TANGO6: variants seen among roughly 807,000 people sequenced by gnomAD.
The protein encoded by TANGO6 is transport and Golgi organization protein 6 homolog.
Under a neutral mutation model 114.2 loss-of-function variants are expected in TANGO6, and 90 were observed. That is an observed-to-expected ratio of 0.79 (90% confidence interval 0.66 to 0.94). The LOEUF is 0.94. Among genes scored for constraint, TANGO6 ranks in the 40% least tolerant of loss-of-function variants. TANGO6 has a pLI of 0.00. For synonymous variants in TANGO6, 477 were observed against 509.8 expected, an observed-to-expected ratio of 0.94 and a Z score of 0.87; for missense variants, 1,274 against 1,315.3, an observed-to-expected ratio of 0.97 and a Z score of 0.49.
Position 68,860,083 on chromosome 16 carries a change from CTTG to C in TANGO6, c.301_303del (p.Leu103del), listed in dbSNP as rs1384805693. 7 of 1,613,954 alleles carry C rather than the reference CTTG, an allele frequency of 4.3e-6. No individual in the cohort carries two copies. Among genetic ancestry groups the C allele is most frequent in the South Asian group, 1.1e-5 (1 of 91,076 alleles). ...TCACTTGGAGTTTTACCTCTCAAAC[CTTG>C]TTGTTGCTTTTGTGCTTGAAGGAAA... On this transcript the variant is annotated inframe_deletion, in exon 2 of 18. Transcript: ENST00000261778.
intron 14 of TANGO6, among the ~76,000 whole-genome samples, chr16:68,961,751 G>A (rs1963593839): frequency 6.6e-6 from 1 of 152,108 alleles, no homozygotes; most frequent in Non-Finnish European, 1.5e-5. Context: ...GTAGACACTG[G>A]GTATGGTTCT....
intron 2 of TANGO6, 113 bp from the exon 3 acceptor site, chr16:68,862,832 G>C (rs1962118058): frequency 1.3e-6 from 1 of 744,278 alleles, no homozygotes; most frequent in African/African-American, 1.7e-5. Context: ...AGAGAGGATA[G>C]AAGCCTTCTT....
chr16:69,033,692 C>T (rs1441170288), intron 16 of TANGO6: 1 of 152,266 alleles, frequency 6.6e-6, no homozygotes, highest in Non-Finnish European at 1.5e-5. Context: ...GTCCTGGAGG[C>T]CCTGGGGACC....
rs1441977753 is a variant in TANGO6, at chr16:69,040,418, T to G, written c.3105T>G (p.Thr1035=). 8.1e-6 allele frequency: 13 copies of G among 1,598,700 alleles called. No homozygotes were observed. In the East Asian group the frequency reaches 2.9e-4, roughly 36 times the overall value. The change falls in exon 17 of 18, where the codon ACT becomes ACG. Residue 1035 remains threonine, a synonymous_variant. Transcript: ENST00000261778. ...LLLRGLSQKA[T]EVLSAVLKDL... is the part of the protein sequence containing the mutation. ...TTCGGGGACTCAGCCAGAAAGCTAC[T>G]GAGGTCAGTCCGTCTCTCGCCCTTT...
chr16:68,979,778 A>G lies in TANGO6; in HGVS notation c.2842+5610A>G, dbSNP rs74672376. Reference sequence around the variant, plus strand: ...GATTCCGTGTATGTGGAGGGTGTGCATGTGTGTGTGAGAATTACATATTCT... The same window carrying G: ...GATTCCGTGTATGTGGAGGGTGTGCGTGTGTGTGTGAGAATTACATATTCT... On this transcript the variant is annotated intron_variant, in intron 15 of 17. Coordinates refer to ENST00000261778, the MANE Select transcript of TANGO6 (RefSeq NM_024562.2). 9.7e-4 allele frequency among the ~76,000 whole-genome samples: 147 copies of G among 151,710 alleles called. 4 individuals carry two copies. In the East Asian group the frequency reaches 0.026, roughly 26 times the overall value.
chr16:68,989,518 G>A (rs1366121432), intron 15 of TANGO6, among the ~76,000 whole-genome samples: 2 of 151,926 alleles, frequency 1.3e-5, no homozygotes, highest in African/African-American at 4.8e-5. Flanking sequence ...CATTAGAAGT[G>A]TATTTTCCTT....
intron 14 of TANGO6, among the ~76,000 whole-genome samples, chr16:68,949,134 C>G (rs1379695842): frequency 1.2e-4 from 19 of 152,002 alleles, no homozygotes; most frequent in Admixed American, 1.2e-3. Context: ...TGCGGTAAGC[C>G]GAGATCGCGC....
At chr16:69,025,338 A>T (rs1487203309) in intron 16 of TANGO6, among the ~76,000 whole-genome samples, 2 of 152,206 alleles carry the variant, frequency 1.3e-5, no homozygotes. Context: ...TGGAGAGAGG[A>T]CATGAAGGGC....
intron 15 of TANGO6, among the ~76,000 whole-genome samples, chr16:68,982,651 T>TTTTTTTTTTTTTTTTC (rs1963849441): frequency 6.9e-6 from 1 of 144,286 alleles, no homozygotes; most frequent in African/African-American, 2.7e-5. Context: ...TTTTTTTTTT[T>TTTTTTTTTTTTTTTTC]TGTAGAGACA....
chr16:68,947,373 G>A (rs1963424701), intron 14 of TANGO6, among the ~76,000 whole-genome samples: 1 of 151,848 alleles, frequency 6.6e-6, no homozygotes, highest in Admixed American at 6.6e-5. Context: ...AGAATCGCTT[G>A]AACCAGGGAG....
chr16:68,927,854 C>T lies in TANGO6; in HGVS notation c.2414C>T (p.Pro805Leu), dbSNP rs765817254. Reference protein sequence around the residue: ...LEQQQSHETAPQTGLQSNAPI... With the variant: ...LEQQQSHETALQTGLQSNAPI... The stretch of plus-strand genomic sequence containing the variant: ...CAACAGCAGAGCCATGAGACAGCCC[C>T]CCAGACAGGCCTGCAGTCAAATGCT... The change falls in exon 13 of 18, where the codon CCC becomes CTC. Residue 805 changes from proline to leucine, a missense_variant. Physicochemically the swap from Pro to Leu is moderately conservative, Grantham distance 98. Around this residue, in one of 5 missense-constraint regions of TANGO6, gnomAD observed 908 missense variants for 910.2 expected, o/e 1.00. Coordinates refer to ENST00000261778, the MANE Select transcript of TANGO6 (RefSeq NM_024562.2). 2.0e-5 allele frequency: 33 copies of T among 1,613,992 alleles called. No individual in the cohort carries two copies. The Middle Eastern group carries it at 1.2e-3, about 56-fold the overall frequency.
At chr16:68,979,082 G>T (rs1025802416) in intron 15 of TANGO6, among the ~76,000 whole-genome samples, 1 of 151,652 alleles carries the variant, frequency 6.6e-6, no homozygotes, top group East Asian at 1.9e-4. Context: ...ACCATACCTG[G>T]CTATTTATTA....
chr16:68,915,490 T>C (rs538901225), intron 11 of TANGO6, among the ~76,000 whole-genome samples: 1 of 152,304 alleles, frequency 6.6e-6, no homozygotes, highest in South Asian at 2.1e-4. Flanking sequence ...AGTCTTGAAC[T>C]CCTGGCCTAA....
intron 17 of TANGO6, among the ~76,000 whole-genome samples, chr16:69,073,405 G>C (rs935523030): frequency 1.3e-4 from 20 of 152,192 alleles, no homozygotes; most frequent in African/African-American, 4.8e-4. Context: ...TCTTAGAACG[G>C]AGATCACTCC....
chr16:69,047,436 A>T (rs960231483), intron 17 of TANGO6, among the ~76,000 whole-genome samples: 1 of 151,982 alleles, frequency 6.6e-6, no homozygotes, highest in African/African-American at 2.4e-5. Flanking sequence ...CAGAGGTTGC[A>T]GTGAGCCAAG....
At chr16:69,041,984 G>A (rs1855264225) in intron 17 of TANGO6, among the ~76,000 whole-genome samples, 1 of 152,176 alleles carries the variant, frequency 6.6e-6, no homozygotes, top group Non-Finnish European at 1.5e-5. Context: ...GAAGATAAGA[G>A]AAGGACAGCC....
intron 14 of TANGO6, among the ~76,000 whole-genome samples, chr16:68,961,285 G>A (rs1229206761): frequency 6.6e-6 from 1 of 152,188 alleles, no homozygotes; most frequent in Non-Finnish European, 1.5e-5. Flanking sequence ...TATTTTCTCC[G>A]AGGCACTGCT....
chr16:69,034,283 A>G (rs1408927260), intron 16 of TANGO6: 2 of 153,928 alleles, frequency 1.3e-5, no homozygotes, highest in Admixed American at 6.5e-5. Context: ...TGTGCCCAAG[A>G]TGCTGCTGCT....
intron 16 of TANGO6, among the ~76,000 whole-genome samples, chr16:69,031,002 A>C (rs1225159280): frequency 6.6e-6 from 1 of 151,948 alleles, no homozygotes; most frequent in Non-Finnish European, 1.5e-5. Flanking sequence ...GTTGCAGTGA[A>C]CCAATATCGC....
Sources: allele counts gnomAD v4.1 joint callset (sites outside exome capture counted in the v4.1 genomes callset), GRCh38; gene constraint gnomAD v4.1.1; regional missense constraint gnomAD v4.1.1; transcripts MANE v1.5; gene names NCBI Gene and HGNC (gene_info 2026-07-23, HGNC 2026-07-21).